Variants in SLC30A7 observed in about 807,000 individuals in gnomAD.
SLC30A7 encodes the protein solute carrier family 30 member 7, also known as zinc transporter 7.
SLC30A7 carries 35 observed loss-of-function variants against 46.0 expected under a neutral mutation model. The ratio of observed to expected loss-of-function variants is 0.76; its 90% confidence interval spans 0.58 to 1.01. The LOEUF (loss-of-function observed/expected upper bound fraction) is 1.01. SLC30A7 is among the 50% of genes least tolerant of loss of function. The pLI, the probability that SLC30A7 is intolerant of heterozygous loss-of-function variation, is 0.00. For synonymous variants in SLC30A7, 147 were observed against 157.8 expected (o/e 0.93, Z 0.51); for missense variants, 464 against 451.1 (o/e 1.03, Z -0.26).
In SLC30A7 at chr1:100,960,174, T is replaced by C. The variant is rs1655459935; in HGVS notation, c.843-1654T>C. ...ATCTTCTCCATATTTTTTAGTAATCTGTTTGTCCTTAACATTGCTCTCACT... is the reference window on the plus strand; with the variant it reads ...ATCTTCTCCATATTTTTTAGTAATCCGTTTGTCCTTAACATTGCTCTCACT... On this transcript the variant is annotated intron_variant, in intron 8 of 10. Transcript: ENST00000357650. Among the ~76,000 whole-genome samples the C allele has an allele frequency of 4.6e-5, 7 of 152,344 alleles. No homozygotes were observed. In the South Asian group the frequency reaches 1.4e-3, roughly 32 times the overall value.
chr1:100,920,922 C>T (rs554679995), intron 7 of SLC30A7, among the ~76,000 whole-genome samples: 11 of 152,036 alleles, frequency 7.2e-5, no homozygotes, highest in East Asian at 1.9e-4. Context: ...AAGATCTAAA[C>T]GTTGAATAAT....
intron 8 of SLC30A7, among the ~76,000 whole-genome samples, chr1:100,930,858 TAAGA>T (rs1215871611): frequency 1.3e-5 from 2 of 152,110 alleles, no homozygotes; most frequent in Non-Finnish European, 2.9e-5. Context: ...ACCATCATAG[TAAGA>T]ACATTTATAA....
intron 8 of SLC30A7, among the ~76,000 whole-genome samples, chr1:100,936,602 A>G (rs1653978222): frequency 1.3e-5 from 2 of 152,184 alleles, no homozygotes; most frequent in South Asian, 4.1e-4. Context: ...CATAATATAA[A>G]ATTTACCATC....
In SLC30A7 at chr1:100,968,507, A is replaced by T. The variant is rs938299400; in HGVS notation, c.1083+2589A>T. Among the ~76,000 whole-genome samples the T allele has an allele frequency of 5.3e-5, 8 of 152,286 alleles. No individual in the cohort carries two copies. The East Asian group carries it at 1.5e-3, about 29-fold the overall frequency. On this transcript the variant is annotated intron_variant, in intron 10 of 10. Transcript: ENST00000357650. ...TTTCCAAAGTAAAAAGTTGAAAAAT[A>T]AAAACCTTGGTGGCGCCTCATTGCC... is the stretch of plus-strand genomic sequence containing the variant.
At chr1:100,970,322 C>A (rs7537601) in intron 10 of SLC30A7, among the ~76,000 whole-genome samples, 17,154 of 152,056 alleles carry the variant, frequency 0.11, 1,018 homozygotes, top group Middle Eastern at 0.2. Flanking sequence ...AGACCAATAT[C>A]TAAAAGTTGG....
At chr1:100,967,917 T>C (rs1655948041) in intron 10 of SLC30A7, among the ~76,000 whole-genome samples, 1 of 152,230 alleles carries the variant, frequency 6.6e-6, no homozygotes, top group South Asian at 2.1e-4. Context: ...TATGGGTGGT[T>C]AAATTTCTTG....
intron 10 of SLC30A7, among the ~76,000 whole-genome samples, chr1:100,973,066 A>G (rs1304683837): frequency 6.6e-6 from 1 of 151,876 alleles, no homozygotes; most frequent in Non-Finnish European, 1.5e-5. Context: ...AGGAAAAAAA[A>G]AAAGAAAAAA....
intron 2 of SLC30A7, 48 bp from the exon 3 acceptor site, chr1:100,906,804 A>G (rs758511743): frequency 1.9e-5 from 24 of 1,232,030 alleles, no homozygotes; most frequent in Non-Finnish European, 2.4e-5. Flanking sequence ...AAAGATGCCT[A>G]CTGTTTGGTT....
At chr1:100,956,999 A>G (rs1655257300) in intron 8 of SLC30A7, among the ~76,000 whole-genome samples, 1 of 152,188 alleles carries the variant, frequency 6.6e-6, no homozygotes, top group Non-Finnish European at 1.5e-5. Flanking sequence ...TTTCTCTGAG[A>G]TGAAATATTC....
At chr1:100,973,546 A>G (rs116760419) in intron 10 of SLC30A7, among the ~76,000 whole-genome samples, 3,592 of 152,234 alleles carry the variant, frequency 0.024, 134 homozygotes, top group African/African-American at 0.079. Flanking sequence ...TATCTCGGAG[A>G]CATTATATTA....
intron 8 of SLC30A7, among the ~76,000 whole-genome samples, chr1:100,955,559 T>C (rs1451760573): frequency 6.6e-6 from 1 of 152,126 alleles, no homozygotes; most frequent in African/African-American, 2.4e-5. Flanking sequence ...CTCTAATTGT[T>C]TCCAAATGCT....
At chr1:100,964,227 T>TTA (rs995643818) in intron 9 of SLC30A7, among the ~76,000 whole-genome samples, 111 of 141,252 alleles carry the variant, frequency 7.9e-4, no homozygotes, top group Middle Eastern at 3.6e-3. Flanking sequence ...ACTAATTGTT[T>TTA]TATATATATA....
At chr1:100,915,193 T>TTTTCTTTTCTTTCTTTCTTTC (rs1553236582) in intron 6 of SLC30A7, among the ~76,000 whole-genome samples, 34 of 90,858 alleles carry the variant, frequency 3.7e-4, no homozygotes, top group East Asian at 2.4e-3. Flanking sequence ...CTTTTCTTTC[T>TTTTCTTTTCTTTCTTTCTTTC]TTTCTTTCTT....
chr1:100,940,743 T>C (rs1427923625), intron 8 of SLC30A7, among the ~76,000 whole-genome samples: 3 of 152,194 alleles, frequency 2.0e-5, no homozygotes, highest in East Asian at 3.8e-4. Flanking sequence ...AAAAATAAAA[T>C]CTTATATTAA....
chr1:100,909,043 ATG>A (rs72292631), intron 3 of SLC30A7, among the ~76,000 whole-genome samples: 37,327 of 147,964 alleles, frequency 0.25, 4,897 homozygotes, highest in Middle Eastern at 0.36. Flanking sequence ...TCCTCTCTTT[ATG>A]TGTGTGTGTG....
chr1:100,983,391 C>CA (rs796350236), downstream of SLC30A7, among the ~76,000 whole-genome samples: 1 of 87,828 alleles, frequency 1.1e-5, no homozygotes, highest in Non-Finnish European at 2.5e-5. Context: ...AAAAAAAAAA[C>CA]AAAACAAAAC....
Position 100,918,093 on chromosome 1 carries a change from A to G in SLC30A7, c.672A>G (p.Lys224=). Residue 224 remains lysine, a synonymous_variant, in exon 7 of 11, where the codon AAA becomes AAG. Transcript: ENST00000357650. Reference sequence around the variant, plus strand: ...TCTCTACAGATGGCCCGTCCTTAAAAGAAACAACAGGACCCAGCAGACAGA... The same window carrying G: ...TCTCTACAGATGGCCCGTCCTTAAAGGAAACAACAGGACCCAGCAGACAGA... ...HFHSHDGPSL[K]ETTGPSRQIL... The G allele has an allele frequency of 6.2e-7, 1 of 1,612,780 alleles. No homozygotes were observed. Among genetic ancestry groups the G allele is most frequent in the Non-Finnish European group, 8.5e-7 (1 of 1,179,166 alleles).
intron 8 of SLC30A7, among the ~76,000 whole-genome samples, chr1:100,953,998 TTATGC>T (rs1558002334): frequency 6.6e-6 from 1 of 152,196 alleles, no homozygotes; most frequent in Non-Finnish European, 1.5e-5. Context: ...CTCTTCACTG[TTATGC>T]TATTTAGCTG....
At chr1:100,948,599 G>C (rs1193377117) in intron 8 of SLC30A7, among the ~76,000 whole-genome samples, 2 of 152,172 alleles carry the variant, frequency 1.3e-5, no homozygotes, top group Non-Finnish European at 2.9e-5. Flanking sequence ...TGCCTTGCTA[G>C]GTTGGGGACG....
Sources: allele counts gnomAD v4.1 joint callset (sites outside exome capture counted in the v4.1 genomes callset), GRCh38; gene constraint gnomAD v4.1.1; transcripts MANE v1.5; gene names NCBI Gene and HGNC (gene_info 2026-07-23, HGNC 2026-07-21).